The following ITGAE variants were observed in gnomAD, a reference collection of about 807,000 sequenced individuals.
ITGAE encodes integrin alpha-E.
Under a neutral mutation model 136.5 loss-of-function variants are expected in ITGAE, and 99 were observed. The observed-to-expected ratio is 0.73, with a 90% CI of 0.62 to 0.86. The LOEUF (loss-of-function observed/expected upper bound fraction) is 0.86, where lower values mean the gene tolerates loss of function less well. ITGAE is among the 40% of genes least tolerant of loss of function. The probability of loss-of-function intolerance (pLI) is 0.00; values close to 1 mark genes in which losing one functional copy is unlikely to be tolerated. For missense variants in ITGAE, 1,447 were observed against 1,515.3 expected (o/e 0.95, Z 0.75); for synonymous variants, 613 against 591.8 (o/e 1.04, Z -0.52).
At chr17:3,720,758 T>A (rs2051033785) in intron 28 of ITGAE, 1 of 185,936 alleles carries the variant, frequency 5.4e-6, no homozygotes, top group South Asian at 8.4e-5. Flanking sequence ...AATTTTTGTA[T>A]TTTTAGTAGA....
chr17:3,772,810 ACT>A (rs1172978564), intron 2 of ITGAE, among the ~76,000 whole-genome samples: 1 of 151,734 alleles, frequency 6.6e-6, no homozygotes, highest in African/African-American at 2.4e-5. Flanking sequence ...TCCAGAAAGG[ACT>A]CTCTAATGAT....
Position 3,734,854 on chromosome 17 carries a change from T to A in ITGAE, c.2618A>T (p.Asn873Ile). Residue 873 changes from asparagine to isoleucine, a missense_variant, in exon 21 of 31, where the codon AAT becomes ATT. Physicochemically the swap from Asn to Ile is moderately radical, Grantham distance 149. This residue lies in a region of ITGAE where 1,031 missense variants were observed against 1,011.4 expected (regional missense o/e 1.02). Coordinates refer to ENST00000263087, the MANE Select transcript of ITGAE (RefSeq NM_002208.5). ...CTTCAACTGCAGGTTTCTGGGGTAA[T>A]TCAAGGCCATGCTTGTCATGTAGGA... ...EDSYMTSMAL[N>I]YPRNLQLKRM... 6.2e-7 allele frequency: 1 copy of A among 1,614,216 alleles called. No individual in the cohort carries two copies. The highest frequency in any genetic ancestry group is 1.1e-5 in the South Asian group (1 of 91,086).
chr17:3,723,256 A>G, intron 28 of ITGAE, 32 bp downstream of exon 28: 1 of 1,397,812 alleles, frequency 7.2e-7, no homozygotes, highest in Non-Finnish European at 1.0e-6. Flanking sequence ...GCAACTGGAT[A>G]ATCAAATCTG....
chr17:3,729,199 T>TCCCACAGCTGCCTTCTTCCC (rs2051285497), intron 24 of ITGAE, among the ~76,000 whole-genome samples: 1 of 152,160 alleles, frequency 6.6e-6, no homozygotes, highest in Non-Finnish European at 1.5e-5. Context: ...TACTTCCCAG[T>TCCCACAGCTGCCTTCTTCCC]CCCACAGCTG....
intron 2 of ITGAE, among the ~76,000 whole-genome samples, chr17:3,769,637 A>G (rs991121579): frequency 3.4e-4 from 52 of 152,160 alleles, no homozygotes; most frequent in African/African-American, 1.2e-3. Context: ...CAGCCCAGCA[A>G]CCCTTGTCCA....
At chr17:3,726,132 TG>T (rs1171247078) in intron 26 of ITGAE, 5 of 1,614,074 alleles carry the variant, frequency 3.1e-6, no homozygotes, top group Non-Finnish European at 4.2e-6. Context: ...TAACAACCGC[TG>T]GGGTGAATAT....
At chr17:3,749,921 CAGA>C (rs1435628748) in intron 16 of ITGAE, among the ~76,000 whole-genome samples, 2 of 152,020 alleles carry the variant, frequency 1.3e-5, no homozygotes, top group Non-Finnish European at 2.9e-5. Flanking sequence ...GAGGCTGAGG[CAGA>C]AGAATTGCTT....
At chr17:3,792,283 G>C (rs1196700897) in intron 1 of ITGAE, among the ~76,000 whole-genome samples, 4 of 151,926 alleles carry the variant, frequency 2.6e-5, no homozygotes, top group Non-Finnish European at 5.9e-5. Flanking sequence ...CACCACACCT[G>C]GATAATTTTT....
In ITGAE at chr17:3,799,311, TCC is replaced by T. The variant is rs2053194094; in HGVS notation, c.34+1798_34+1799del. Among the ~76,000 whole-genome samples, 1 of 152,084 alleles carries T rather than the reference TCC, an allele frequency of 6.6e-6. No homozygotes were observed. Among genetic ancestry groups the T allele is most frequent in the Admixed American group, 6.5e-5 (1 of 15,274 alleles). ...CGGAGCTGCGGGGGCCCTGCTCTGGTCCCCTTCCCGTGGCTGAGCTGAGCTGT... is the reference window on the plus strand; with the variant it reads ...CGGAGCTGCGGGGGCCCTGCTCTGGTCCTTCCCGTGGCTGAGCTGAGCTGT... On this transcript the variant is annotated intron_variant, in intron 1 of 30. Transcript: ENST00000263087. This position sits in a 1 kb window ranked among gnomAD's most constrained non-coding sequence, Gnocchi z 4.1.
At chr17:3,724,045 C>A (rs769624357) in intron 26 of ITGAE, 1 of 1,596,440 alleles carries the variant, frequency 6.3e-7, no homozygotes, top group African/African-American at 1.3e-5. Flanking sequence ...TGGTTCCCGC[C>A]GCAGGACCGG....
chr17:3,757,502 A>G (rs1021097845), intron 9 of ITGAE, among the ~76,000 whole-genome samples: 2 of 152,022 alleles, frequency 1.3e-5, no homozygotes, highest in Non-Finnish European at 2.9e-5. Context: ...TGGCTCTCCC[A>G]CCACTATTTG....
At chr17:3,757,992 G>GCA in intron 8 of ITGAE, 133 bp from the exon 9 acceptor site, 2 of 1,061,728 alleles carry the variant, frequency 1.9e-6, no homozygotes, top group Non-Finnish European at 2.7e-6. Context: ...AGAGAAGGGG[G>GCA]TGATGCCCCC....
At chr17:3,719,253 A>AG (rs200619261) in intron 29 of ITGAE, among the ~76,000 whole-genome samples, 33,339 of 109,506 alleles carry the variant, frequency 0.3, 5,538 homozygotes, top group East Asian at 0.52. Context: ...AAAAAAAAAA[A>AG]AAAGAAAAGA....
rs762200614 is a variant in ITGAE at position 3,731,092 on chromosome 17, G to T, written c.2834+12C>A. ...CATAGCCTGACTCTGCTGTGACCCA[G>T]GCAGTACTTACTTGGTGACAGTCAC... On this transcript the variant is annotated intron_variant, in intron 23 of 30. Coordinates refer to ENST00000263087, the MANE Select transcript of ITGAE (RefSeq NM_002208.5). The T allele has an allele frequency of 6.2e-7, 1 of 1,607,580 alleles. No homozygotes were observed. Among genetic ancestry groups the T allele is most frequent in the East Asian group, 2.2e-5 (1 of 44,812 alleles).
chr17:3,740,251 G>A (rs758934694), intron 19 of ITGAE, among the ~76,000 whole-genome samples: 25 of 152,252 alleles, frequency 1.6e-4, no homozygotes, highest in Non-Finnish European at 2.8e-4. Context: ...GCGAAGAGAA[G>A]CTTCCTTAGT....
rs267604853 is a variant in ITGAE at position 3,753,428 on chromosome 17, C to T, written c.1530G>A (p.Met510Ile). The change falls in exon 14 of 31, where the codon ATG becomes ATA. Residue 510 changes from methionine to isoleucine, a missense_variant and splice_region_variant. Around this residue, in one of 3 missense-constraint regions of ITGAE, gnomAD observed 1,031 missense variants for 1,011.4 expected, o/e 1.02. Transcript: ENST00000263087. ...ACAGCTCAGAGCCAAAATAGGACCCCATCTACAGCCCGGGAGGAACTCAGC... is the reference window on the plus strand; with the variant it reads ...ACAGCTCAGAGCCAAAATAGGACCCTATCTACAGCCCGGGAGGAACTCAGC... ...SFLPVLEGEQ[M>I]GSYFGSELCP... 6.2e-7 allele frequency: 1 copy of T among 1,613,576 alleles called. No individual in the cohort carries two copies. The highest frequency in any genetic ancestry group is 8.5e-7 in the Non-Finnish European group (1 of 1,179,578).
chr17:3,761,111 C>G lies in ITGAE; in HGVS notation c.500G>C (p.Gly167Ala), dbSNP rs753085127. Residue 167 changes from glycine (G) to alanine (A), a missense_variant, in exon 6 of 31, where the codon GGA becomes GCA. Around this residue, in one of 3 missense-constraint regions of ITGAE, gnomAD observed 310 missense variants for 416.1 expected, o/e 0.74. Transcript: ENST00000263087. The part of the protein sequence containing the change: ...GDCYSNKEGG[G>A]EDDVNTARQR... ...CCTGGCTGTGTTCACATCGTCTTCT[C>G]CACCGCCTTCTTTGTTGCTGTAGCA... 6.2e-7 allele frequency: 1 copy of G among 1,613,222 alleles called. No individual in the cohort carries two copies. The highest frequency in any genetic ancestry group is 1.7e-5 in the Admixed American group (1 of 59,992).
At chr17:3,787,084 C>T (rs1265522188) in intron 1 of ITGAE, among the ~76,000 whole-genome samples, 1 of 151,040 alleles carries the variant, frequency 6.6e-6, no homozygotes, top group African/African-American at 2.4e-5. Context: ...ATAAAAAGTC[C>T]TAGCAAACCA....
At chr17:3,716,104 A>G (rs8078581) in intron 30 of ITGAE, among the ~76,000 whole-genome samples, 79,804 of 150,826 alleles carry the variant, frequency 0.53, 21,990 homozygotes, top group African/African-American at 0.64. Context: ...GGGGGAAGGG[A>G]AGGTTGCAGT....
Sources: gnomAD v4.1 joint callset for allele counts (sites outside exome capture counted in the v4.1 genomes callset) on GRCh38, gnomAD v4.1.1 for gene constraint, gnomAD v4.1.1 regional missense constraint, Gnocchi (gnomAD v3.1) non-coding constraint, MANE v1.5 for transcripts, NCBI Gene and HGNC (gene_info 2026-07-23, HGNC 2026-07-21) for gene names.